Variants in OSBPL11 observed in about 807,000 individuals in gnomAD.
OSBPL11 encodes the protein oxysterol binding protein like 11, also known as oxysterol-binding protein-related protein 11.
In OSBPL11, 33 loss-of-function variants were observed where a neutral mutation model predicts 84.4. That is an observed-to-expected ratio of 0.39 (90% CI 0.30 to 0.52). OSBPL11 has a LOEUF of 0.52. OSBPL11 is among the 20% of genes least tolerant of loss of function. The pLI is 0.72. For missense variants in OSBPL11, 736 were observed against 901.1 expected (o/e 0.82, Z 2.35); for synonymous variants, 276 against 310.2 (o/e 0.89, Z 1.16).
chr3:125,587,644 T>C (rs373508445), intron 1 of OSBPL11, among the ~76,000 whole-genome samples: 6 of 152,288 alleles, frequency 3.9e-5, no homozygotes, highest in Admixed American at 6.5e-5. Context: ...TGTTTCAAGA[T>C]AAGTCTGTGG....
chr3:125,563,343 T>C (rs538186349), intron 7 of OSBPL11, among the ~76,000 whole-genome samples: 6 of 152,256 alleles, frequency 3.9e-5, no homozygotes, highest in African/African-American at 1.4e-4. Flanking sequence ...AACTTAATAA[T>C]AAATAATGTT....
chr3:125,594,085 C>G (rs1037728230), intron 1 of OSBPL11, among the ~76,000 whole-genome samples: 4 of 152,222 alleles, frequency 2.6e-5, no homozygotes, highest in Admixed American at 2.6e-4. Flanking sequence ...AACTGAACAT[C>G]TCCAGGCTCA....
intron 5 of OSBPL11, among the ~76,000 whole-genome samples, chr3:125,575,809 T>C (rs940583192): frequency 2.6e-5 from 4 of 152,062 alleles, no homozygotes; most frequent in Non-Finnish European, 5.9e-5. Context: ...AGTGCTGAGA[T>C]TACAGGCTTG....
At chr3:125,572,644 T>G (rs1936259078) in intron 5 of OSBPL11, among the ~76,000 whole-genome samples, 1 of 152,092 alleles carries the variant, frequency 6.6e-6, no homozygotes, top group South Asian at 2.1e-4. Context: ...CTTTGCCTGC[T>G]GCCATCCATG....
chr3:125,563,897 C>T (rs540217363), intron 6 of OSBPL11, 54 bp from the exon 7 acceptor site: 20 of 1,595,306 alleles, frequency 1.3e-5, no homozygotes, highest in African/African-American at 4.0e-5. Flanking sequence ...CTAGAAAGTT[C>T]GGCAGATGTG....
intron 8 of OSBPL11, among the ~76,000 whole-genome samples, chr3:125,559,016 C>CTTTA (rs1936033407): frequency 1.3e-5 from 2 of 152,184 alleles, no homozygotes; most frequent in Admixed American, 1.3e-4. Context: ...AATCTGGCCT[C>CTTTA]CTGTTTTAGT....
rs75077834 is a variant in OSBPL11 at position 125,583,665 on chromosome 3, G to A, written c.165-687C>T. Among the ~76,000 whole-genome samples, 926 of 151,604 alleles carry A rather than the reference G, an allele frequency of 6.1e-3. 20 individuals are homozygous for A. Among genetic ancestry groups the A allele is most frequent in the Admixed American group, 0.045 (690 of 15,180 alleles). On this transcript the variant is annotated intron_variant, in intron 1 of 12. Transcript: ENST00000296220. The stretch of plus-strand genomic sequence containing the variant: ...CAACACTTTGGGAGATCAAGATAGG[G>A]GGATCACTTGAGCCCAGGAGTTTGA...
rs1055490628 is a variant in OSBPL11, at chr3:125,552,133, G to A, written c.1654+48C>T. The A allele has an allele frequency of 9.0e-5, 83 of 917,144 alleles. 1 individual carries two copies. The highest frequency in any genetic ancestry group is 6.7e-4 in the South Asian group (21 of 31,568). The allele number at this position is 917,144 out of a possible 1,614,324, so 56.8% of individuals were successfully genotyped here. A position where few individuals can be genotyped will look rare whatever the true frequency, so the allele number is the denominator to read the frequency against. On this transcript the variant is annotated intron_variant, in intron 9 of 12. Transcript: ENST00000296220. ...TGGAAAAAAAAATACATATATATAT[G>A]TGTGTGTGTATATATATATATATAT...
chr3:125,539,401 A>T (rs1935693976), intron 10 of OSBPL11, among the ~76,000 whole-genome samples: 1 of 148,126 alleles, frequency 6.8e-6, no homozygotes, highest in South Asian at 2.1e-4. Context: ...CAGCACAAAT[A>T]TATCAATAGG....
chr3:125,535,437 A>ACTTTTTTTTT (rs1559833754), intron 11 of OSBPL11, among the ~76,000 whole-genome samples: 1 of 126,876 alleles, frequency 7.9e-6, no homozygotes. Flanking sequence ...ATTCAGAAGC[A>ACTTTTTTTTT]TCTTTTTTTT....
chr3:125,541,993 T>G (rs1199180409), intron 10 of OSBPL11, among the ~76,000 whole-genome samples: 1 of 152,222 alleles, frequency 6.6e-6, no homozygotes, highest in Non-Finnish European at 1.5e-5. Flanking sequence ...TTAAAACAAC[T>G]TGACCTGAGG....
intron 10 of OSBPL11, among the ~76,000 whole-genome samples, chr3:125,545,804 G>C (rs1362566260): frequency 2.0e-5 from 3 of 152,078 alleles, no homozygotes; most frequent in Non-Finnish European, 4.4e-5. Flanking sequence ...TGGAAACTAA[G>C]GGAGTAAGGG....
intron 8 of OSBPL11, among the ~76,000 whole-genome samples, chr3:125,555,355 T>C (rs1935978570): frequency 6.6e-6 from 1 of 152,224 alleles, no homozygotes; most frequent in South Asian, 2.1e-4. Context: ...CTTGTGACTG[T>C]ATGAGTCAAT....
At chr3:125,591,789 T>G (rs1394592856) in intron 1 of OSBPL11, among the ~76,000 whole-genome samples, 1 of 152,134 alleles carries the variant, frequency 6.6e-6, no homozygotes, top group African/African-American at 2.4e-5. Flanking sequence ...TCCAGATAGA[T>G]TAAAAAGTTA....
chr3:125,576,450 A>G lies in OSBPL11; in HGVS notation c.490-85T>C, dbSNP rs1365865491. On this transcript the variant is annotated intron_variant, in intron 4 of 12. Coordinates refer to ENST00000296220, the MANE Select transcript of OSBPL11 (RefSeq NM_022776.5). ...TCAAACTACCATACACTTAAGATTT[A>G]CACATGAGCAGCGTTTAAAATTAAA... 3 of 1,024,514 alleles carry G rather than the reference A, an allele frequency of 2.9e-6. No homozygotes were observed. The African/African-American group carries it at 5.1e-5, about 17-fold the overall frequency. The allele number at this position is 1,024,514 out of a possible 1,614,324, so 63.5% of individuals were successfully genotyped here.
intron 12 of OSBPL11, among the ~76,000 whole-genome samples, chr3:125,531,591 A>G (rs558384430): frequency 6.6e-6 from 1 of 151,716 alleles, no homozygotes; most frequent in South Asian, 2.1e-4. Flanking sequence ...GAGCCCGGCC[A>G]CCCCCTAGCT....
In OSBPL11 at chr3:125,583,075, C is replaced by T; in HGVS notation, c.165-97G>A. The T allele has an allele frequency of 5.2e-6, 4 of 770,634 alleles. No individual in the cohort carries two copies. In the South Asian group the frequency reaches 7.8e-5, roughly 15 times the overall value. The allele number at this position is 770,634 out of a possible 1,614,324, so 47.7% of individuals were successfully genotyped here. On this transcript the variant is annotated intron_variant, in intron 1 of 12. Transcript: ENST00000296220. ...CAAAATAGCTGCAGATACATATATG[C>T]TCTATAAATGCCTCAAATTTTATTG...
At position 125,560,446 on chromosome 3, in the gene OSBPL11, A is replaced by G. The variant is rs762629312; in HGVS notation, c.1088T>C (p.Val363Ala). Residue 363 changes from valine (V) to alanine (A), a missense_variant, in exon 8 of 13, where the codon GTA becomes GCA. Val to Ala is a moderately conservative substitution (Grantham distance 64, BLOSUM62 0). Transcript: ENST00000296220. ...CDHKEDDLGA[V>A]EEQRSVILHL... ...TAGGATGACACTACGTTGTTCTTCT[A>G]CAGCTCCCAGGTCATCCTCTTTGTG... 1 of 1,608,868 alleles carries G rather than the reference A, an allele frequency of 6.2e-7. No individual in the cohort carries two copies. The highest frequency in any genetic ancestry group is 8.5e-7 in the Non-Finnish European group (1 of 1,177,058).
intron 12 of OSBPL11, among the ~76,000 whole-genome samples, chr3:125,530,990 T>TTTC (rs199919013): frequency 0.067 from 10,136 of 151,516 alleles, 453 homozygotes; most frequent in Non-Finnish European, 0.098. Context: ...TTTCCTTTTT[T>TTTC]TTTTCCCCCA....
Sources: gnomAD v4.1 joint callset for allele counts (sites outside exome capture counted in the v4.1 genomes callset) on GRCh38, gnomAD v4.1.1 for gene constraint, MANE v1.5 for transcripts, NCBI Gene and HGNC (gene_info 2026-07-23, HGNC 2026-07-21) for gene names.